GOLM2: variants seen among roughly 807,000 people sequenced by gnomAD.
GOLM2 encodes the protein golgi membrane protein 2.
A neutral mutation model predicts 55.9 loss-of-function variants in GOLM2; 26 were observed. The observed-to-expected ratio is 0.47, with a 90% CI of 0.34 to 0.65. The LOEUF is 0.65. Ranked by LOEUF, GOLM2 falls within the 30% of genes least tolerant of loss-of-function variation. The pLI is 0.01. For missense variants in GOLM2, 486 were observed against 531.8 expected (o/e 0.91, Z 0.85); for synonymous variants, 165 against 194.6 (o/e 0.85, Z 1.27).
chr15:44,341,758 G>A (rs927020072), intron 6 of GOLM2, among the ~76,000 whole-genome samples: 4 of 142,822 alleles, frequency 2.8e-5, no homozygotes, highest in Admixed American at 7.3e-5. Flanking sequence ...GTGCAGTCGT[G>A]CGATCTTGGC....
At chr15:44,394,077 T>C (rs79706638) in intron 8 of GOLM2, among the ~76,000 whole-genome samples, 1 of 152,308 alleles carries the variant, frequency 6.6e-6, no homozygotes, top group African/African-American at 2.4e-5. Flanking sequence ...CAGTGGATAC[T>C]GAGGGAGGAA....
rs1422295840 is a variant in GOLM2, at chr15:44,380,991, A to G, written c.1072+15A>G. The G allele has an allele frequency of 1.1e-5, 16 of 1,503,090 alleles. No homozygotes were observed. Among genetic ancestry groups the G allele is most frequent in the Non-Finnish European group, 1.4e-5 (16 of 1,109,988 alleles). The allele number at this position is 1,503,090 out of a possible 1,614,324, so 93.1% of individuals were successfully genotyped here. Reference sequence around the variant, plus strand: ...ATTGAAGCAAAGTAAGAATCAATTGATGAATATTATGCTAAAAATATTTCT... The same window carrying G: ...ATTGAAGCAAAGTAAGAATCAATTGGTGAATATTATGCTAAAAATATTTCT... On this transcript the variant is annotated intron_variant, in intron 8 of 9. Coordinates refer to ENST00000299957, the MANE Select transcript of GOLM2 (RefSeq NM_138423.4).
intron 6 of GOLM2, among the ~76,000 whole-genome samples, chr15:44,367,783 C>G (rs1181084241): frequency 6.8e-6 from 1 of 146,646 alleles, no homozygotes; most frequent in Non-Finnish European, 1.5e-5. Flanking sequence ...GACGGAGACT[C>G]TGTCTCAAAA....
intron 1 of GOLM2, among the ~76,000 whole-genome samples, chr15:44,316,231 T>C (rs1461118851): frequency 1.3e-5 from 2 of 152,028 alleles, no homozygotes; most frequent in African/African-American, 4.8e-5. Flanking sequence ...CACAAGGAAA[T>C]TAAAACTGTG....
chr15:44,385,426 G>A (rs1813325376), intron 8 of GOLM2, among the ~76,000 whole-genome samples: 1 of 146,842 alleles, frequency 6.8e-6, no homozygotes, highest in Non-Finnish European at 1.5e-5. Context: ...TACATATGAA[G>A]TGATGTTTCC....
intron 1 of GOLM2, among the ~76,000 whole-genome samples, chr15:44,315,745 G>A (rs1370065789): frequency 1.3e-5 from 2 of 152,094 alleles, no homozygotes; most frequent in East Asian, 1.9e-4. Flanking sequence ...AACAGAGCAA[G>A]GATAATTGGC....
chr15:44,305,284 G>GAGACCATCC (rs2078828756), intron 1 of GOLM2, among the ~76,000 whole-genome samples: 1 of 152,102 alleles, frequency 6.6e-6, no homozygotes, highest in African/African-American at 2.4e-5. Flanking sequence ...AATGGCCACT[G>GAGACCATCC]TGCCCAGCCA....
intron 3 of GOLM2, among the ~76,000 whole-genome samples, chr15:44,329,989 C>T (rs1157298862): frequency 3.4e-5 from 5 of 149,250 alleles, no homozygotes; most frequent in African/African-American, 1.2e-4. Flanking sequence ...TGGCTCACTG[C>T]AAGCTCTGCC....
chr15:44,368,204 AT>A (rs2079299271), intron 6 of GOLM2, among the ~76,000 whole-genome samples: 1 of 151,342 alleles, frequency 6.6e-6, no homozygotes, highest in Admixed American at 6.6e-5. Flanking sequence ...GTGGCATGAT[AT>A]CGGCTCATTG....
chr15:44,362,177 T>C (rs1489071432), intron 6 of GOLM2, among the ~76,000 whole-genome samples: 4 of 149,846 alleles, frequency 2.7e-5, no homozygotes, highest in East Asian at 3.9e-4. Flanking sequence ...CAACATAGTG[T>C]TGGAAGTTCT....
chr15:44,351,279 C>T (rs764795055), intron 6 of GOLM2, among the ~76,000 whole-genome samples: 3 of 151,838 alleles, frequency 2.0e-5, no homozygotes, highest in Non-Finnish European at 2.9e-5. Flanking sequence ...AGCAATCAGA[C>T]GAAAGAAAGA....
intron 8 of GOLM2, among the ~76,000 whole-genome samples, chr15:44,395,172 G>A (rs909537623): frequency 1.3e-5 from 2 of 150,212 alleles, no homozygotes; most frequent in African/African-American, 2.4e-5. Flanking sequence ...CACCACGCCC[G>A]GCTAATTTTT....
chr15:44,398,494 A>C (rs2079541847), intron 8 of GOLM2, among the ~76,000 whole-genome samples: 1 of 152,160 alleles, frequency 6.6e-6, no homozygotes, highest in Non-Finnish European at 1.5e-5. Flanking sequence ...TGCATAGTGC[A>C]ATACCTATCA....
intron 9 of GOLM2, among the ~76,000 whole-genome samples, chr15:44,405,885 G>C (rs2079594408): frequency 6.6e-6 from 1 of 152,084 alleles, no homozygotes; most frequent in Non-Finnish European, 1.5e-5. Context: ...GCCTCCCAAA[G>C]TGCTGGGATT....
intron 1 of GOLM2, among the ~76,000 whole-genome samples, chr15:44,290,279 A>G (rs1419214038): frequency 6.6e-6 from 1 of 152,236 alleles, no homozygotes; most frequent in Non-Finnish European, 1.5e-5. Flanking sequence ...TAGTAGAGTT[A>G]TGAAAATTTC....
At chr15:44,408,690 C>G (rs1001917849) in intron 9 of GOLM2, among the ~76,000 whole-genome samples, 8 of 152,228 alleles carry the variant, frequency 5.3e-5, no homozygotes, top group African/African-American at 1.9e-4. Context: ...TTAAAAATTC[C>G]AAAAAGGGCC....
At chr15:44,294,671 G>A (rs888111373) in intron 1 of GOLM2, among the ~76,000 whole-genome samples, 13 of 144,542 alleles carry the variant, frequency 9.0e-5, no homozygotes, top group Non-Finnish European at 1.5e-4. Context: ...CTGAGATCAC[G>A]CCATTGCACT....
intron 1 of GOLM2, among the ~76,000 whole-genome samples, chr15:44,315,636 A>G (rs1226663398): frequency 6.6e-6 from 1 of 152,208 alleles, no homozygotes; most frequent in Non-Finnish European, 1.5e-5. Context: ...CTTGCTGAGG[A>G]AAACAAATAA....
chr15:44,297,804 A>G (rs1442818354), intron 1 of GOLM2, among the ~76,000 whole-genome samples: 1 of 146,848 alleles, frequency 6.8e-6, no homozygotes, highest in Admixed American at 6.9e-5. Flanking sequence ...TCCTGACCTC[A>G]TGATCCACCC....
Sources: gnomAD v4.1 joint callset for allele counts (sites outside exome capture counted in the v4.1 genomes callset) on GRCh38, gnomAD v4.1.1 for gene constraint, MANE v1.5 for transcripts, NCBI Gene and HGNC (gene_info 2026-07-23, HGNC 2026-07-21) for gene names.